Variants in FOXO3 observed in about 807,000 individuals in gnomAD.
FOXO3 encodes forkhead box O3, also known as forkhead box protein O3.
A neutral mutation model predicts 41.9 loss-of-function variants in FOXO3; 4 were observed. The observed-to-expected ratio is 0.10, with a 90% CI of 0.05 to 0.22. The LOEUF (loss-of-function observed/expected upper bound fraction) is 0.22, where lower values mean the gene tolerates loss of function less well. FOXO3 is among the 10% of genes least tolerant of loss of function. The probability of loss-of-function intolerance (pLI) is 1.00; values close to 1 mark genes in which losing one functional copy is unlikely to be tolerated. For missense variants in FOXO3, 534 were observed against 906.8 expected (o/e 0.59, Z 5.28); for synonymous variants, 318 against 389.3 (o/e 0.82, Z 2.16).
At chr6:108,615,446 A>G (rs2128370726) in intron 1 of FOXO3, among the ~76,000 whole-genome samples, 1 of 152,108 alleles carries the variant, frequency 6.6e-6, no homozygotes, top group South Asian at 2.1e-4. Context: ...AGTCTCTGAA[A>G]AGTGATTTGC....
At chr6:108,614,415 A>G (rs1452519224) in intron 1 of FOXO3, among the ~76,000 whole-genome samples, 1 of 152,156 alleles carries the variant, frequency 6.6e-6, no homozygotes, top group Non-Finnish European at 1.5e-5. Context: ...AGGCAGATTA[A>G]CATTTAAGGT....
At chr6:108,597,331 C>T (rs1009183509) in intron 1 of FOXO3, among the ~76,000 whole-genome samples, 1 of 152,194 alleles carries the variant, frequency 6.6e-6, no homozygotes, top group Non-Finnish European at 1.5e-5. Flanking sequence ...CAGAAGCACA[C>T]CAGGCTGAGA....
chr6:108,630,725 A>G (rs895128450), intron 1 of FOXO3, among the ~76,000 whole-genome samples: 8 of 152,100 alleles, frequency 5.3e-5, no homozygotes, highest in Admixed American at 4.6e-4. Flanking sequence ...ACTTCTCTCT[A>G]TAACTAACTC....
At chr6:108,566,694 A>G (rs1365114431) in intron 1 of FOXO3, among the ~76,000 whole-genome samples, 4 of 152,102 alleles carry the variant, frequency 2.6e-5, no homozygotes, top group Non-Finnish European at 5.9e-5. Context: ...TTTTGTTTGT[A>G]TACCCACTTA....
At chr6:108,572,853 C>G (rs957049951) in intron 1 of FOXO3, among the ~76,000 whole-genome samples, 9 of 152,132 alleles carry the variant, frequency 5.9e-5, no homozygotes, top group African/African-American at 1.9e-4. Context: ...AGTTTAAAGA[C>G]AAGGAAATGG....
At chr6:108,595,573 T>A (rs1323940564) in intron 1 of FOXO3, among the ~76,000 whole-genome samples, 1 of 152,204 alleles carries the variant, frequency 6.6e-6, no homozygotes, top group Non-Finnish European at 1.5e-5. Flanking sequence ...TTCTCTCTCA[T>A]AGAAGTGTAT....
chr6:108,596,799 T>C (rs1322058281), intron 1 of FOXO3, among the ~76,000 whole-genome samples: 1 of 152,212 alleles, frequency 6.6e-6, no homozygotes. Context: ...ACCAGCAGAC[T>C]GAAGCCCATA....
At chr6:108,596,461 G>C (rs9486907) in intron 1 of FOXO3, among the ~76,000 whole-genome samples, 1 of 150,294 alleles carries the variant, frequency 6.7e-6, no homozygotes, top group African/African-American at 2.5e-5. Flanking sequence ...AAAATGTCCA[G>C]ATTACTTGAA....
At chr6:108,657,005 C>G (rs1179727667) in intron 1 of FOXO3, among the ~76,000 whole-genome samples, 3 of 152,184 alleles carry the variant, frequency 2.0e-5, no homozygotes, top group Admixed American at 2.0e-4. Context: ...TTCCATCATG[C>G]TGCCTCCTTC....
At chr6:108,629,051 T>C (rs1777888506) in intron 1 of FOXO3, among the ~76,000 whole-genome samples, 1 of 152,166 alleles carries the variant, frequency 6.6e-6, no homozygotes, top group East Asian at 1.9e-4. Context: ...AACCTCTCTC[T>C]GCCTCCATTT....
intron 1 of FOXO3, among the ~76,000 whole-genome samples, chr6:108,603,361 A>G (rs192292135): frequency 6.6e-6 from 1 of 152,346 alleles, no homozygotes; most frequent in East Asian, 1.9e-4. Flanking sequence ...TTATTCATTC[A>G]GTCATTCAAG....
In FOXO3 at chr6:108,680,444, A is replaced by G. The variant is rs1040659629; in HGVS notation, c.*652A>G. The stretch of plus-strand genomic sequence containing the variant: ...TTTCTAAAAACTGAACAATGGCACA[A>G]TTGTTTGCTATGTGCACCCGTCCAG... On this transcript the variant is annotated 3_prime_UTR_variant, in exon 3 of 3. Transcript: ENST00000406360. 1 of 152,200 alleles carries G rather than the reference A, an allele frequency of 6.6e-6. No individual in the cohort carries two copies. The highest frequency in any genetic ancestry group is 1.5e-5 in the Non-Finnish European group (1 of 68,024). The allele number at this position is 152,200 out of a possible 1,614,324, so 9.4% of individuals were successfully genotyped here.
chr6:108,662,162 AG>A (rs1778885038), intron 1 of FOXO3, among the ~76,000 whole-genome samples: 1 of 152,104 alleles, frequency 6.6e-6, no homozygotes, highest in African/African-American at 2.4e-5. Context: ...AGTACTGACT[AG>A]GCATTTTGTA....
chr6:108,588,743 A>G (rs1776655069), intron 1 of FOXO3, among the ~76,000 whole-genome samples: 1 of 152,222 alleles, frequency 6.6e-6, no homozygotes, highest in African/African-American at 2.4e-5. Flanking sequence ...GGCTGGAGAA[A>G]CAGAAAATAC....
intron 1 of FOXO3, among the ~76,000 whole-genome samples, chr6:108,616,388 CCTGACCTTGTGATCCACCCGCCT>C (rs1777515357): frequency 6.6e-6 from 1 of 152,014 alleles, no homozygotes; most frequent in African/African-American, 2.4e-5. Flanking sequence ...GTCTCGATCT[CCTGACCTTGTGATCCACCCGCCT>C]CTGCCTCCCA....
intron 2 of FOXO3, among the ~76,000 whole-genome samples, chr6:108,670,652 C>G (rs1481116517): frequency 6.6e-6 from 1 of 152,124 alleles, no homozygotes; most frequent in East Asian, 1.9e-4. Flanking sequence ...TGTTTGATAT[C>G]TTGAATCAAA....
intron 1 of FOXO3, among the ~76,000 whole-genome samples, chr6:108,597,872 G>A (rs776827007): frequency 1.1e-4 from 16 of 152,096 alleles, no homozygotes; most frequent in African/African-American, 2.7e-4. Flanking sequence ...TTCATCACAC[G>A]CCACCTATTG....
intron 1 of FOXO3, among the ~76,000 whole-genome samples, chr6:108,569,909 C>T (rs1226936885): frequency 2.0e-5 from 3 of 147,404 alleles, no homozygotes; most frequent in East Asian, 2.0e-4. Context: ...GTTTTCAGTA[C>T]GTGTTTAGGA....
At position 108,643,174 on chromosome 6, in the gene FOXO3, C is replaced by G. The variant is rs112446742; in HGVS notation, c.622-20281C>G. On this transcript the variant is annotated intron_variant, in intron 1 of 2. Coordinates refer to ENST00000406360, the MANE Select transcript of FOXO3 (RefSeq NM_001455.4). Reference sequence around the variant, plus strand: ...CCTCCAGTTTTTGAATAGTGCTGTTCTACAGAGGGTGATTTCATTTTTAGT... The same window carrying G: ...CCTCCAGTTTTTGAATAGTGCTGTTGTACAGAGGGTGATTTCATTTTTAGT... Among the ~76,000 whole-genome samples the G allele has an allele frequency of 2.9e-3, 448 of 152,316 alleles. 1 individual carries two copies. Among genetic ancestry groups the G allele is most frequent in the South Asian group, 8.3e-3 (40 of 4,828 alleles).
Sources: gnomAD v4.1 joint callset for allele counts (sites outside exome capture counted in the v4.1 genomes callset) on GRCh38, gnomAD v4.1.1 for gene constraint, MANE v1.5 for transcripts, NCBI Gene and HGNC (gene_info 2026-07-23, HGNC 2026-07-21) for gene names.